TJP1: variants seen among roughly 807,000 people sequenced by gnomAD.
The protein encoded by TJP1 is tight junction protein ZO-1.
TJP1 carries 43 observed loss-of-function variants against 194.2 expected under a neutral mutation model. That is an observed-to-expected ratio of 0.22 (90% CI 0.17 to 0.29). The LOEUF (loss-of-function observed/expected upper bound fraction) is 0.29. Ranked by LOEUF, TJP1 falls within the 10% of genes least tolerant of loss-of-function variation. The pLI is 1.00. For missense variants in TJP1, 1,971 were observed against 2,185.7 expected, an observed-to-expected ratio of 0.90 and a Z score of 1.96; for synonymous variants, 801 against 779.0, an observed-to-expected ratio of 1.03 and a Z score of -0.47.
intron 12 of TJP1, 27 bp downstream of exon 12, chr15:29,734,247 C>G: frequency 4.0e-6 from 6 of 1,501,620 alleles, no homozygotes; most frequent in Non-Finnish European, 5.5e-6. Context: ...ACAGGTTTAT[C>G]TCCTCCATTT....
intron 2 of TJP1, among the ~76,000 whole-genome samples, chr15:29,950,717 A>C (rs1420594828): frequency 6.6e-6 from 1 of 152,146 alleles, no homozygotes; most frequent in Non-Finnish European, 1.5e-5. Context: ...CCGTGTTCTC[A>C]CCATTTCATG....
At chr15:29,804,261 A>C (rs908549497) in intron 1 of TJP1, among the ~76,000 whole-genome samples, 13 of 152,154 alleles carry the variant, frequency 8.5e-5, no homozygotes, top group African/African-American at 2.9e-4. Context: ...ATAATGGTAG[A>C]ATCTTAGTGG....
At chr15:29,921,847 C>T (rs996901678) in intron 2 of TJP1, among the ~76,000 whole-genome samples, 1 of 147,202 alleles carries the variant, frequency 6.8e-6, no homozygotes, top group Non-Finnish European at 1.5e-5. Flanking sequence ...TTCTTTCTTT[C>T]TTTTTTTTTT....
intron 2 of TJP1, among the ~76,000 whole-genome samples, chr15:29,841,505 T>C (rs1028428083): frequency 1.3e-5 from 2 of 152,214 alleles, no homozygotes; most frequent in Admixed American, 6.5e-5. Context: ...ATGAAAAGGC[T>C]GCATTTCTTT....
At chr15:29,920,192 C>T (rs2054312327) in intron 2 of TJP1, among the ~76,000 whole-genome samples, 1 of 152,168 alleles carries the variant, frequency 6.6e-6, no homozygotes, top group Non-Finnish European at 1.5e-5. Context: ...GCTTCAGAGA[C>T]CAGTGCTAGG....
chr15:29,726,788 A>C lies in TJP1; in HGVS notation c.2304T>G (p.Leu768=). ...CTTTATTAACATACTCACTTGTAAAAAGATGGTGATTATTTTTACGAAGTT... is the reference window on the plus strand; with the variant it reads ...CTTTATTAACATACTCACTTGTAAACAGATGGTGATTATTTTTACGAAGTT... ...SHKLRKNNHH[L]FTTTINLNSM... is the part of the protein sequence containing the mutation. The change falls in exon 17 of 28, where the codon CTT becomes CTG. Residue 768 remains leucine (L), a synonymous_variant. Transcript: ENST00000614355. 6.2e-7 allele frequency: 1 copy of C among 1,614,040 alleles called. No homozygotes were observed. The highest frequency in any genetic ancestry group is 8.5e-7 in the Non-Finnish European group (1 of 1,179,976).
At chr15:29,766,799 G>C (rs2046358792) in intron 4 of TJP1, among the ~76,000 whole-genome samples, 1 of 152,090 alleles carries the variant, frequency 6.6e-6, no homozygotes, top group African/African-American at 2.4e-5. Flanking sequence ...ACTTCACACA[G>C]AAAGATCTTC....
At chr15:29,792,767 T>C in intron 2 of TJP1, among the ~76,000 whole-genome samples, 1 of 152,236 alleles carries the variant, frequency 6.6e-6, no homozygotes, top group South Asian at 2.1e-4. Context: ...CACTTTTTGG[T>C]GCCGTCTTCA....
At chr15:29,768,532 C>T (rs2151599384) in intron 4 of TJP1, among the ~76,000 whole-genome samples, 1 of 152,254 alleles carries the variant, frequency 6.6e-6, no homozygotes, top group South Asian at 2.1e-4. Context: ...GAGTGCGCCA[C>T]CTCTTTGGGA....
At chr15:29,764,396 G>C (rs1307275382) in intron 5 of TJP1, among the ~76,000 whole-genome samples, 1 of 152,168 alleles carries the variant, frequency 6.6e-6, no homozygotes, top group Admixed American at 6.5e-5. Context: ...GAAGTCATAA[G>C]TCTAGTGTAG....
upstream of TJP1, chr15:29,822,634 C>T (rs919212130): frequency 6.9e-6 from 2 of 289,534 alleles, no homozygotes; most frequent in African/African-American, 2.3e-5. Flanking sequence ...GCCGGGTAAC[C>T]CAAGTAACTT....
At chr15:29,953,169 T>C (rs2152310614) in intron 2 of TJP1, among the ~76,000 whole-genome samples, 1 of 104,058 alleles carries the variant, frequency 9.6e-6, no homozygotes, top group Non-Finnish European at 2.0e-5. Flanking sequence ...TGCAACGGAG[T>C]CTCGCTCTGT....
At chr15:29,840,762 T>A (rs1365116307) in intron 2 of TJP1, among the ~76,000 whole-genome samples, 1 of 152,150 alleles carries the variant, frequency 6.6e-6, no homozygotes, top group Non-Finnish European at 1.5e-5. Context: ...AGGATGCCAC[T>A]CACTATGCCA....
chr15:29,878,668 T>G (rs1424556751), intron 2 of TJP1, among the ~76,000 whole-genome samples: 1 of 152,088 alleles, frequency 6.6e-6, no homozygotes, highest in African/African-American at 2.4e-5. Context: ...GTTTCATAGC[T>G]CTGTATAACA....
At chr15:29,886,988 C>T (rs1462734276) in intron 2 of TJP1, among the ~76,000 whole-genome samples, 1 of 151,674 alleles carries the variant, frequency 6.6e-6, no homozygotes, top group African/African-American at 2.4e-5. Context: ...CTATCAGATG[C>T]CACAACATGT....
At chr15:29,929,960 T>G (rs2054653162) in intron 2 of TJP1, among the ~76,000 whole-genome samples, 1 of 152,118 alleles carries the variant, frequency 6.6e-6, no homozygotes, top group Admixed American at 6.5e-5. Flanking sequence ...AACAACTTTA[T>G]GCAATACAAC....
chr15:29,921,214 T>C (rs1054513178), intron 2 of TJP1, among the ~76,000 whole-genome samples: 5 of 152,190 alleles, frequency 3.3e-5, no homozygotes, highest in Non-Finnish European at 5.9e-5. Context: ...GCCCTCTGAA[T>C]GCCGGCACTC....
intron 11 of TJP1, among the ~76,000 whole-genome samples, chr15:29,734,733 G>A (rs45610236): frequency 0.014 from 2,120 of 152,066 alleles, 18 homozygotes; most frequent in African/African-American, 0.028. Context: ...TGATCCGCCC[G>A]CTTTGGTCTC....
At position 29,716,782 on chromosome 15, in the gene TJP1, T is replaced by C. The variant is rs756928476; in HGVS notation, c.4031A>G (p.Asn1344Ser). The part of the protein sequence containing the change: ...LKPPEDIVRS[N>S]HYDPEEDEEY... ...TTCATCTTCTTCAGGGTCATAATGA[T>C]TGGACCGAACAATATCTTCAGGTGG... Residue 1344 changes from asparagine (N) to serine (S), a missense_variant, in exon 23 of 28, where the codon AAT (asparagine) becomes AGT (serine). Physicochemically the swap from Asn to Ser is conservative, Grantham distance 46. Coordinates refer to ENST00000614355, the MANE Select transcript of TJP1 (RefSeq NM_001330239.4). The C allele has an allele frequency of 5.0e-6, 8 of 1,613,886 alleles. No homozygotes were observed. In the African/African-American group the frequency reaches 8.0e-5, roughly 16 times the overall value.
Sources: gnomAD v4.1 joint callset for allele counts (sites outside exome capture counted in the v4.1 genomes callset) on GRCh38, gnomAD v4.1.1 for gene constraint, MANE v1.5 for transcripts, NCBI Gene and HGNC (gene_info 2026-07-23, HGNC 2026-07-21) for gene names.